The following PHF14 variants were observed in gnomAD, a reference collection of about 807,000 sequenced individuals.
PHF14 encodes the protein PHD finger protein 14.
A neutral mutation model predicts 117.9 loss-of-function variants in PHF14; 55 were observed. The ratio of observed to expected loss-of-function variants is 0.47; its 90% CI spans 0.38 to 0.58. PHF14 has a LOEUF of 0.58. Ranked by LOEUF, PHF14 falls within the 20% of genes least tolerant of loss-of-function variation. The pLI is 0.00. For synonymous variants in PHF14, 409 were observed against 368.6 expected (o/e 1.11, Z -1.26); for missense variants, 978 against 1,122.2 (o/e 0.87, Z 1.84).
chr7:11,129,030 CAG>C (rs1788016034), intron 17 of PHF14, among the ~76,000 whole-genome samples: 1 of 152,072 alleles, frequency 6.6e-6, no homozygotes, highest in African/African-American at 2.4e-5. Context: ...TCTCTTACAA[CAG>C]AGGATATTTC....
intron 4 of PHF14, among the ~76,000 whole-genome samples, chr7:10,999,234 CT>C (rs1278046093): frequency 6.6e-6 from 1 of 152,198 alleles, no homozygotes; most frequent in East Asian, 1.9e-4. Context: ...AGGCTGCCCC[CT>C]GATAGTAAGG....
At chr7:11,031,310 G>A (rs7810016) in intron 7 of PHF14, among the ~76,000 whole-genome samples, 16,605 of 151,954 alleles carry the variant, frequency 0.11, 1,130 homozygotes, top group African/African-American at 0.19. Flanking sequence ...TATCTCATTG[G>A]TGAGAATCCA....
intron 16 of PHF14, chr7:11,106,542 CA>C: frequency 3.1e-6 from 3 of 980,990 alleles, no homozygotes; most frequent in Non-Finnish European, 3.6e-6. Flanking sequence ...GAATTTTGTG[CA>C]AGCTTGTATT....
At chr7:10,983,881 T>C (rs1275835629) in intron 3 of PHF14, among the ~76,000 whole-genome samples, 1 of 152,208 alleles carries the variant, frequency 6.6e-6, no homozygotes, top group Non-Finnish European at 1.5e-5. Context: ...GTTAGGTTTA[T>C]TCATTGATCT....
intron 17 of PHF14, among the ~76,000 whole-genome samples, chr7:11,114,707 A>G (rs1787548825): frequency 6.6e-6 from 1 of 152,144 alleles, no homozygotes; most frequent in Admixed American, 6.6e-5. Context: ...AGTTACATGG[A>G]CACAAACATA....
intron 3 of PHF14, among the ~76,000 whole-genome samples, chr7:10,988,168 C>T (rs1554299545): frequency 6.6e-6 from 1 of 152,066 alleles, no homozygotes; most frequent in Non-Finnish European, 1.5e-5. Context: ...CTATTTCCCT[C>T]TTTGCGTTAC....
At chr7:11,005,144 T>C (rs1783035977) in intron 4 of PHF14, among the ~76,000 whole-genome samples, 1 of 152,082 alleles carries the variant, frequency 6.6e-6, no homozygotes, top group South Asian at 2.1e-4. Context: ...TGTGGGGTAA[T>C]AACTTTGAGA....
At chr7:11,019,135 C>G (rs1783636046) in intron 5 of PHF14, among the ~76,000 whole-genome samples, 1 of 152,066 alleles carries the variant, frequency 6.6e-6, no homozygotes, top group Admixed American at 6.6e-5. Context: ...ATTCGGTTTG[C>G]TGGTATTTTG....
Position 10,983,175 on chromosome 7 carries a change from T to C in PHF14, c.900+16T>C. On this transcript the variant is annotated intron_variant, in intron 3 of 17. Transcript: ENST00000634607. ...GAGTAATGAGGTAGATCAACCCAATTTTTATATCTGTCTGTCTGGGGAAAA... is the reference window on the plus strand; with the variant it reads ...GAGTAATGAGGTAGATCAACCCAATCTTTATATCTGTCTGTCTGGGGAAAA... 2 of 1,572,640 alleles carry C rather than the reference T, an allele frequency of 1.3e-6. No homozygotes were observed. Among genetic ancestry groups the C allele is most frequent in the South Asian group, 1.1e-5 (1 of 87,094 alleles).
Position 11,036,982 on chromosome 7 carries a change from TAG to T in PHF14, c.1877_1878del. On this transcript the variant is annotated splice_acceptor_variant, in intron 9 of 17. Coordinates refer to ENST00000634607, the MANE Select transcript of PHF14 (RefSeq NM_001007157.2). LOFTEE classifies it high-confidence loss of function. Reference sequence around the variant, plus strand: ...AGTAAAATTCGATATTTCATTTAAATAGAGAGAAATATGCGCATGATTCAAAT... The same window carrying T: ...AGTAAAATTCGATATTTCATTTAAATAGAGAAATATGCGCATGATTCAAAT... 1 of 1,480,270 alleles carries T rather than the reference TAG, an allele frequency of 6.8e-7. No homozygotes were observed. Among genetic ancestry groups the T allele is most frequent in the Non-Finnish European group, 9.2e-7 (1 of 1,089,884 alleles). The allele number at this position is 1,480,270 out of a possible 1,614,324, so 91.7% of individuals were successfully genotyped here.
intron 2 of PHF14, among the ~76,000 whole-genome samples, chr7:10,979,495 T>A (rs1228679263): frequency 6.6e-6 from 1 of 151,876 alleles, no homozygotes; most frequent in East Asian, 1.9e-4. Context: ...TGAAATTAAC[T>A]CTTTCTGCCT....
At chr7:10,985,961 A>C (rs940230554) in intron 3 of PHF14, among the ~76,000 whole-genome samples, 28 of 151,414 alleles carry the variant, frequency 1.8e-4, no homozygotes, top group African/African-American at 6.1e-4. Context: ...TCTCATTTTA[A>C]AATTTTTTAA....
chr7:11,069,558 G>C (rs1027969806), intron 16 of PHF14, among the ~76,000 whole-genome samples: 1 of 151,342 alleles, frequency 6.6e-6, no homozygotes, highest in Non-Finnish European at 1.5e-5. Context: ...AATTTTATTT[G>C]CTAATATTTT....
At chr7:10,998,165 A>C (rs1408333598) in intron 4 of PHF14, among the ~76,000 whole-genome samples, 1 of 152,130 alleles carries the variant, frequency 6.6e-6, no homozygotes, top group Non-Finnish European at 1.5e-5. Flanking sequence ...CCAAGTAGAG[A>C]GATTGAGTAG....
rs1562476414 is a variant in PHF14 at position 11,122,356 on chromosome 7, C to CGT, written c.2772+10889_2772+10890insGT. On this transcript the variant is annotated intron_variant, in intron 17 of 17. Transcript: ENST00000634607. ...TTATATATATATATATATATATACACACACACACACACACACACACACACA... is the reference window on the plus strand; with the variant it reads ...TTATATATATATATATATATATACACGTACACACACACACACACACACACACA... 3.3e-4 allele frequency among the ~76,000 whole-genome samples: 23 copies of CGT among 70,138 alleles called. 2 individuals are homozygous for CGT. Among genetic ancestry groups the CGT allele is most frequent in the African/African-American group, 1.6e-3 (21 of 13,156 alleles). The allele number at this position is 70,138 out of a possible 152,430, so 46.0% of individuals were successfully genotyped here.
At chr7:10,974,738 C>A (rs1167563581) in intron 1 of PHF14, 97 bp from the exon 2 acceptor site, 13 of 682,996 alleles carry the variant, frequency 1.9e-5, no homozygotes, top group Non-Finnish European at 3.3e-5. Flanking sequence ...GACAAAAATT[C>A]CTTGTGCGAG....
At chr7:11,151,215 A>G (rs1333814507) in intron 17 of PHF14, among the ~76,000 whole-genome samples, 1 of 152,192 alleles carries the variant, frequency 6.6e-6, no homozygotes, top group Non-Finnish European at 1.5e-5. Flanking sequence ...TAATGTCACT[A>G]TGAAGTCACT....
chr7:10,989,488 T>A (rs1782366727), intron 3 of PHF14, among the ~76,000 whole-genome samples: 1 of 152,224 alleles, frequency 6.6e-6, no homozygotes. Flanking sequence ...ATATGTAATG[T>A]TAAGCACAAT....
chr7:11,099,603 T>G (rs965511373), intron 16 of PHF14, among the ~76,000 whole-genome samples: 1 of 152,074 alleles, frequency 6.6e-6, no homozygotes, highest in Non-Finnish European at 1.5e-5. Flanking sequence ...TATTGTTAAA[T>G]TATACAAGGG....
Sources: allele counts gnomAD v4.1 joint callset (sites outside exome capture counted in the v4.1 genomes callset), GRCh38; gene constraint gnomAD v4.1.1; transcripts MANE v1.5; gene names NCBI Gene and HGNC (gene_info 2026-07-23, HGNC 2026-07-21).